The following NEDD9 variants were observed in gnomAD, a reference collection of about 807,000 sequenced individuals.
NEDD9 encodes the protein neural precursor cell expressed, developmentally down-regulated 9.
In NEDD9, 26 loss-of-function variants were observed where a neutral mutation model predicts 76.6. The observed-to-expected ratio is 0.34, with a 90% CI of 0.25 to 0.47. The LOEUF (loss-of-function observed/expected upper bound fraction) is 0.47, where lower values mean the gene tolerates loss of function less well. Ranked by LOEUF, NEDD9 falls within the 20% of genes least tolerant of loss-of-function variation. NEDD9 has a pLI of 1.00. For missense variants in NEDD9, 937 were observed against 1,058.5 expected, an observed-to-expected ratio of 0.89 and a Z score of 1.59; for synonymous variants, 392 against 414.2, an observed-to-expected ratio of 0.95 and a Z score of 0.65.
chr6:11,337,230 A>T (rs1490437212), intron 1 of NEDD9, among the ~76,000 whole-genome samples: 1 of 152,160 alleles, frequency 6.6e-6, no homozygotes, highest in Non-Finnish European at 1.5e-5. Flanking sequence ...AAACAAAAAC[A>T]AAAACAAAAC....
intron 2 of NEDD9, among the ~76,000 whole-genome samples, chr6:11,333,060 A>G (rs13195722): frequency 3.8e-3 from 88 of 23,122 alleles, no homozygotes; most frequent in East Asian, 0.022. Context: ...GGAAGGAAGG[A>G]AGGGAGGGAG....
intron 2 of NEDD9, among the ~76,000 whole-genome samples, chr6:11,331,519 G>T (rs1391274566): frequency 1.3e-5 from 2 of 152,040 alleles, no homozygotes; most frequent in East Asian, 1.9e-4. Context: ...ACGCTAAAGG[G>T]TGCAAAAATA....
chr6:11,241,024 A>G lies in NEDD9; in HGVS notation c.13-27297T>C, dbSNP rs368919692. Among the ~76,000 whole-genome samples, 10 of 152,358 alleles carry G rather than the reference A, an allele frequency of 6.6e-5. No individual in the cohort carries two copies. The highest frequency in any genetic ancestry group is 2.6e-4 in the Admixed American group (4 of 15,302). ...GTTATTACATGCTTTAGTTTGTCCA[A>G]ATAAACAACTTGTTATATGAAACTG... is the stretch of plus-strand genomic sequence containing the variant. On this transcript the variant is annotated intron_variant, in intron 3 of 3. Transcript: ENST00000397378. The surrounding 1 kb of genome is among the most constrained non-coding windows in gnomAD (Gnocchi z 4.0).
At position 11,283,367 on chromosome 6, in the gene NEDD9, C is replaced by T. The variant is rs1156238068; in HGVS notation, c.12+22625G>A. ...GTTTTGTTCACTACTGTGTCCCCTG[C>T]TCTTAAAACAATACCTGACCATGGT... On this transcript the variant is annotated intron_variant, in intron 3 of 3. Transcript: ENST00000397378. 2.0e-5 allele frequency among the ~76,000 whole-genome samples: 3 copies of T among 152,306 alleles called. No individual in the cohort carries two copies. In the East Asian group the frequency reaches 5.8e-4, roughly 29 times the overall value.
intron 2 of NEDD9, among the ~76,000 whole-genome samples, chr6:11,324,190 C>T (rs1419745614): frequency 6.6e-6 from 1 of 152,216 alleles, no homozygotes; most frequent in Non-Finnish European, 1.5e-5. Flanking sequence ...TGGCTCTCTC[C>T]TGACACTGCC....
At chr6:11,288,953 G>C (rs1339388459) in intron 3 of NEDD9, among the ~76,000 whole-genome samples, 2 of 152,188 alleles carry the variant, frequency 1.3e-5, no homozygotes. Context: ...TGTATGTATT[G>C]AATGTATGCA....
rs547418227 is a variant in NEDD9 at position 11,331,906 on chromosome 6, G to A, written c.-153+2595C>T. ...GCAGCAGCAAGCCCAGACATACAGA[G>A]GGCTGGAGGGGAGCTGTAGTTCAAA... On this transcript the variant is annotated intron_variant, in intron 2 of 3. Coordinates refer to the NEDD9 transcript ENST00000397378. 2.0e-5 allele frequency among the ~76,000 whole-genome samples: 3 copies of A among 152,312 alleles called. No individual in the cohort carries two copies. In the East Asian group the frequency reaches 5.8e-4, roughly 29 times the overall value.
intron 1 of NEDD9, among the ~76,000 whole-genome samples, chr6:11,381,233 G>A (rs926994965): frequency 2.0e-5 from 3 of 152,200 alleles, no homozygotes; most frequent in Non-Finnish European, 4.4e-5. Flanking sequence ...CACACCCCAT[G>A]CTGGGTGGGA....
chr6:11,316,940 G>A (rs1285627712), intron 2 of NEDD9, among the ~76,000 whole-genome samples: 1 of 152,206 alleles, frequency 6.6e-6, no homozygotes, highest in Non-Finnish European at 1.5e-5. Flanking sequence ...CGGGGGAAAT[G>A]GTGAATTTGA....
chr6:11,269,917 A>G (rs1206119079), intron 3 of NEDD9, among the ~76,000 whole-genome samples: 1 of 152,226 alleles, frequency 6.6e-6, no homozygotes, highest in Non-Finnish European at 1.5e-5. Context: ...ACCTGAGGTC[A>G]GGAGTTGTAG....
At chr6:11,210,163 A>G (rs545867759) in intron 2 of NEDD9, among the ~76,000 whole-genome samples, 7 of 152,096 alleles carry the variant, frequency 4.6e-5, no homozygotes, top group South Asian at 2.1e-4. Context: ...CTAGGCCACC[A>G]CCCACAAAAC....
chr6:11,265,534 T>G (rs562762245), intron 3 of NEDD9, among the ~76,000 whole-genome samples: 1 of 152,382 alleles, frequency 6.6e-6, no homozygotes, highest in African/African-American at 2.4e-5. Flanking sequence ...AATTAATGTA[T>G]TGTCCTTATG....
intron 3 of NEDD9, among the ~76,000 whole-genome samples, chr6:11,243,730 C>T (rs1244966100): frequency 1.3e-5 from 2 of 152,178 alleles, no homozygotes; most frequent in Non-Finnish European, 2.9e-5. Flanking sequence ...CCATTCTCAG[C>T]TCCTTTTCCT....
At chr6:11,235,153 C>T (rs145080169), upstream of NEDD9, among the ~76,000 whole-genome samples, 604 of 151,938 alleles carry the variant, frequency 4.0e-3, 3 homozygotes, top group Middle Eastern at 0.02. The surrounding 1 kb of genome is among the most constrained non-coding windows in gnomAD (Gnocchi z 4.1). Context: ...TAAATGGTTG[C>T]TTGTTCTTAT....
In NEDD9 at chr6:11,374,044, ATCTCTC is replaced by A. The variant is rs748028297; in HGVS notation, c.-214+8089_-214+8094del. Among the ~76,000 whole-genome samples the A allele has an allele frequency of 3.3e-5, 5 of 150,902 alleles. No homozygotes were observed. The East Asian group carries it at 7.8e-4, about 23-fold the overall frequency. ...TGTGTGAACCAACTTCATAAAATAA[ATCTCTC>A]TCTCTCTCTCTCTCTCTATATATAT... is the stretch of plus-strand genomic sequence containing the variant. On this transcript the variant is annotated intron_variant, in intron 1 of 3. Transcript: ENST00000397378.
intron 3 of NEDD9, among the ~76,000 whole-genome samples, chr6:11,305,537 C>G (rs749244697): frequency 6.6e-6 from 1 of 152,198 alleles, no homozygotes; most frequent in Admixed American, 6.5e-5. Context: ...TCATCCTACA[C>G]TCTACTCCAG....
chr6:11,209,970 C>CTTTTTTTTTTTTTTTTTTTTTT (rs752612102), intron 2 of NEDD9, among the ~76,000 whole-genome samples: 3 of 131,072 alleles, frequency 2.3e-5, no homozygotes, highest in Non-Finnish European at 4.8e-5. Context: ...AATTCACTGT[C>CTTTTTTTTTTTTTTTTTTTTTT]TTTTTTTTTT....
At chr6:11,295,301 G>A (rs770712114) in intron 3 of NEDD9, among the ~76,000 whole-genome samples, 5 of 152,246 alleles carry the variant, frequency 3.3e-5, no homozygotes, top group East Asian at 3.9e-4. Flanking sequence ...GTATGAGTGC[G>A]TTTTATTTTT....
At chr6:11,306,680 T>C (rs946303898) in intron 2 of NEDD9, among the ~76,000 whole-genome samples, 2 of 152,230 alleles carry the variant, frequency 1.3e-5, no homozygotes, top group Admixed American at 1.3e-4. Flanking sequence ...GTTACCACTT[T>C]TATCATTTTG....
Sources: allele counts gnomAD v4.1 joint callset (sites outside exome capture counted in the v4.1 genomes callset), GRCh38; gene constraint gnomAD v4.1.1; non-coding constraint Gnocchi (gnomAD v3.1); transcripts MANE v1.5; gene names NCBI Gene and HGNC (gene_info 2026-07-23, HGNC 2026-07-21).